The following ARNT2 variants were observed in gnomAD, a reference collection of about 807,000 sequenced individuals.
ARNT2 encodes aryl hydrocarbon receptor nuclear translocator 2, also known as ARNT protein 2.
A neutral mutation model predicts 91.7 loss-of-function variants in ARNT2; 36 were observed. The observed-to-expected ratio is 0.39, with a 90% CI of 0.30 to 0.52. ARNT2 has a LOEUF of 0.52. Ranked by LOEUF, ARNT2 falls within the 20% of genes least tolerant of loss-of-function variation. The pLI, the probability that ARNT2 is intolerant of heterozygous loss-of-function variation, is 0.72. For synonymous variants in ARNT2, 365 were observed against 347.1 expected (o/e 1.05, Z -0.57); for missense variants, 775 against 939.3 (o/e 0.83, Z 2.29).
chr15:80,593,126 T>A (rs1893310378), intron 18 of ARNT2, among the ~76,000 whole-genome samples: 1 of 152,222 alleles, frequency 6.6e-6, no homozygotes, highest in Admixed American at 6.5e-5. Flanking sequence ...AAAGACATGT[T>A]GAAACTGAAA....
intron 17 of ARNT2, among the ~76,000 whole-genome samples, chr15:80,585,396 G>A (rs1004555233): frequency 6.6e-6 from 1 of 152,154 alleles, no homozygotes; most frequent in East Asian, 1.9e-4. Flanking sequence ...AAAATTTAAA[G>A]ATTTTGTGAC....
At position 80,572,859 on chromosome 15, in the gene ARNT2, C is replaced by T. The variant is rs1053855525; in HGVS notation, c.1317-1289C>T. ...AACTTTTCCACACCTTTCATCATAC[C>T]TTCCTGTGTTTCCAGACGATCTTCA... On this transcript the variant is annotated intron_variant, in intron 12 of 18. Coordinates refer to ENST00000303329, the MANE Select transcript of ARNT2 (RefSeq NM_014862.4). Among the ~76,000 whole-genome samples, 16 of 152,268 alleles carry T rather than the reference C, an allele frequency of 1.1e-4. 2 individuals are homozygous for T. The highest frequency in any genetic ancestry group is 3.3e-4 in the Admixed American group (5 of 15,292).
At chr15:80,405,223 A>G (rs1895581968) in intron 1 of ARNT2, among the ~76,000 whole-genome samples, 1 of 152,182 alleles carries the variant, frequency 6.6e-6, no homozygotes, top group African/African-American at 2.4e-5. Context: ...TCAAAAATGG[A>G]AGAGTTCTTG....
chr15:80,571,424 C>T (rs910519891), intron 12 of ARNT2, among the ~76,000 whole-genome samples: 19 of 152,190 alleles, frequency 1.2e-4, no homozygotes, highest in African/African-American at 4.6e-4. Flanking sequence ...TAGTCTTGCT[C>T]AGTCTTCACC....
At chr15:80,574,939 G>C in intron 13 of ARNT2, 48 bp from the exon 14 acceptor site, 1 of 1,602,404 alleles carries the variant, frequency 6.2e-7, no homozygotes, top group Non-Finnish European at 8.5e-7. Context: ...CGCATGTTCT[G>C]TGCCTTACGC....
intron 1 of ARNT2, among the ~76,000 whole-genome samples, chr15:80,426,081 A>G (rs1895928561): frequency 6.6e-6 from 1 of 152,164 alleles, no homozygotes; most frequent in African/African-American, 2.4e-5. Flanking sequence ...AAAGAAAAGA[A>G]AAGAAACTCT....
chr15:80,508,119 G>A, intron 5 of ARNT2, 37 bp from the exon 6 acceptor site: 3 of 1,606,950 alleles, frequency 1.9e-6, no homozygotes, highest in Non-Finnish European at 2.6e-6. Flanking sequence ...CCAACCGAAG[G>A]CAGAGGCTTA....
chr15:80,520,652 G>A (rs1323345297), intron 8 of ARNT2, among the ~76,000 whole-genome samples: 1 of 152,096 alleles, frequency 6.6e-6, no homozygotes, highest in African/African-American at 2.4e-5. Flanking sequence ...CTTGATTGTG[G>A]AGATGATAAC....
At chr15:80,544,117 T>C (rs1186670994) in intron 8 of ARNT2, among the ~76,000 whole-genome samples, 1 of 152,234 alleles carries the variant, frequency 6.6e-6, no homozygotes, top group African/African-American at 2.4e-5. Context: ...TTTTGCTTCT[T>C]CCACAGCTCT....
intron 5 of ARNT2, among the ~76,000 whole-genome samples, chr15:80,500,153 C>T (rs983698216): frequency 2.0e-5 from 3 of 152,192 alleles, no homozygotes; most frequent in Non-Finnish European, 2.9e-5. Flanking sequence ...CTCAGGCACA[C>T]TGGTTGGATC....
At chr15:80,419,490 CT>C (rs1433535258) in intron 1 of ARNT2, among the ~76,000 whole-genome samples, 1 of 152,220 alleles carries the variant, frequency 6.6e-6, no homozygotes, top group Non-Finnish European at 1.5e-5. Flanking sequence ...GTCACACTGG[CT>C]TTCCCTGGGT....
At chr15:80,566,977 A>C (rs1898495760) in intron 12 of ARNT2, among the ~76,000 whole-genome samples, 1 of 152,130 alleles carries the variant, frequency 6.6e-6, no homozygotes, top group Non-Finnish European at 1.5e-5. Context: ...TTATTGTCTC[A>C]CTTCTCCCAA....
Position 80,457,917 on chromosome 15 carries a change from T to C in ARNT2, c.147-12T>C. 1 of 1,614,054 alleles carries C rather than the reference T, an allele frequency of 6.2e-7. No homozygotes were observed. On this transcript the variant is annotated splice_polypyrimidine_tract_variant and intron_variant, in intron 2 of 18. Coordinates refer to ENST00000303329, the MANE Select transcript of ARNT2 (RefSeq NM_014862.4). Reference sequence around the variant, plus strand: ...TAATAATCAGTGCTCACTTGTGATCTTGACTTTTCAGAATGGACTTCGATG... The same window carrying C: ...TAATAATCAGTGCTCACTTGTGATCCTGACTTTTCAGAATGGACTTCGATG...
chr15:80,565,253 A>T (rs1379671521), intron 12 of ARNT2, among the ~76,000 whole-genome samples: 1 of 152,160 alleles, frequency 6.6e-6, no homozygotes, highest in African/African-American at 2.4e-5. Flanking sequence ...CCCACCGTTG[A>T]TGGGCACCTG....
At chr15:80,587,960 T>G (rs1474332439) in intron 17 of ARNT2, among the ~76,000 whole-genome samples, 1 of 152,172 alleles carries the variant, frequency 6.6e-6, no homozygotes, top group African/African-American at 2.4e-5. Flanking sequence ...TGGATGTTAC[T>G]ACATAGACCG....
chr15:80,488,501 T>G (rs1476124357), intron 5 of ARNT2: 1 of 152,142 alleles, frequency 6.6e-6, no homozygotes, highest in Non-Finnish European at 1.5e-5. Flanking sequence ...AATTCCCAGC[T>G]CTTAAAACAG....
intron 1 of ARNT2, among the ~76,000 whole-genome samples, chr15:80,430,483 T>A (rs1197751975): frequency 6.6e-6 from 1 of 152,192 alleles, no homozygotes; most frequent in Admixed American, 6.5e-5. Flanking sequence ...TTGGATGTGT[T>A]CCCTGTTGGG....
chr15:80,407,388 T>C (rs1393478845), intron 1 of ARNT2, among the ~76,000 whole-genome samples: 1 of 152,176 alleles, frequency 6.6e-6, no homozygotes, highest in African/African-American at 2.4e-5. Context: ...TCTGTGGATA[T>C]AATACAGGTC....
intron 1 of ARNT2, among the ~76,000 whole-genome samples, chr15:80,446,619 T>C (rs531944348): frequency 1.6e-4 from 24 of 152,322 alleles, no homozygotes; most frequent in Non-Finnish European, 2.9e-4. Flanking sequence ...TCACTAGCCA[T>C]GTTACAGGGT....
Sources: gnomAD v4.1 joint callset for allele counts (sites outside exome capture counted in the v4.1 genomes callset) on GRCh38, gnomAD v4.1.1 for gene constraint, MANE v1.5 for transcripts, NCBI Gene and HGNC (gene_info 2026-07-23, HGNC 2026-07-21) for gene names.